Variants in TMEM63C observed in about 807,000 individuals in gnomAD.
TMEM63C encodes the protein transmembrane protein 63C.
TMEM63C carries 32 observed loss-of-function variants against 99.2 expected under a neutral mutation model. The observed-to-expected ratio is 0.32, with a 90% CI of 0.24 to 0.43. The LOEUF is 0.43. TMEM63C is among the 20% of genes least tolerant of loss of function. The pLI, the probability that TMEM63C is intolerant of heterozygous loss-of-function variation, is 1.00. For missense variants in TMEM63C, 826 were observed against 1,053.0 expected, an observed-to-expected ratio of 0.78 and a Z score of 2.98; for synonymous variants, 376 against 397.9, an observed-to-expected ratio of 0.94 and a Z score of 0.66.
intron 21 of TMEM63C, 75 bp from the exon 22 acceptor site, chr14:77,251,714 T>C: frequency 8.3e-7 from 1 of 1,208,616 alleles, no homozygotes; most frequent in Non-Finnish European, 1.2e-6. Context: ...GCTGTGACGG[T>C]CCCTGGCATC....
chr14:77,256,781 C>T lies in TMEM63C; in HGVS notation c.*55C>T. ...GTTGAGGGGTCAGGGGAGGGCCTGG[C>T]AAGGGGAGGCAGGAGGGTGGCCTGG... On this transcript the variant is annotated 3_prime_UTR_variant, in exon 24 of 24. Transcript: ENST00000298351. The T allele has an allele frequency of 6.4e-7, 1 of 1,559,212 alleles. No homozygotes were observed.
chr14:77,223,449 A>G (rs2140112904), intron 5 of TMEM63C, among the ~76,000 whole-genome samples: 1 of 152,264 alleles, frequency 6.6e-6, no homozygotes, highest in Admixed American at 6.5e-5. Context: ...TGGGTCAGGT[A>G]CTGTTACCCC....
At chr14:77,254,770 C>T (rs1433286939) in intron 23 of TMEM63C, among the ~76,000 whole-genome samples, 1 of 152,020 alleles carries the variant, frequency 6.6e-6, no homozygotes, top group Non-Finnish European at 1.5e-5. Flanking sequence ...TAAATCTTGC[C>T]TTATTACCAC....
rs188304538 is a variant in TMEM63C, at chr14:77,189,793, G to A, written c.-77+7899G>A. 2.6e-5 allele frequency among the ~76,000 whole-genome samples: 4 copies of A among 152,312 alleles called. No individual in the cohort carries two copies. In the East Asian group the frequency reaches 7.7e-4, roughly 29 times the overall value. The stretch of plus-strand genomic sequence containing the variant: ...CAGGGAACTGGCAGGTTTCACTGGG[G>A]TGGGGGAGTTGGGAAAAGCAGCCGT... On this transcript the variant is annotated intron_variant, in intron 1 of 23. Coordinates refer to ENST00000298351, the MANE Select transcript of TMEM63C (RefSeq NM_020431.4).
chr14:77,258,727 G>T lies in TMEM63C; in HGVS notation c.*2001G>T, dbSNP rs1455299632. Reference sequence around the variant, plus strand: ...CATGTGTATTTGGTGTATGGGGTGTGGGGGGTCACACCAGAAGCTGGCCTG... The same window carrying T: ...CATGTGTATTTGGTGTATGGGGTGTTGGGGGTCACACCAGAAGCTGGCCTG... On this transcript the variant is annotated 3_prime_UTR_variant, in exon 24 of 24. Transcript: ENST00000298351. The T allele has an allele frequency of 2.1e-5, 2 of 96,528 alleles. No individual in the cohort carries two copies. The highest frequency in any genetic ancestry group is 3.3e-5 in the African/African-American group (1 of 30,562). 6.0% of individuals were successfully genotyped at this position (96,528 alleles called of 1,614,324 possible).
chr14:77,186,069 T>C (rs1231253092), intron 1 of TMEM63C, among the ~76,000 whole-genome samples: 9 of 151,944 alleles, frequency 5.9e-5, no homozygotes, highest in Admixed American at 4.6e-4. Flanking sequence ...TGGAGTGCAG[T>C]GGCACTATCT....
At position 77,229,839 on chromosome 14, in the gene TMEM63C, A is replaced by T. The variant is rs753145388; in HGVS notation, c.351-1749A>T. Among the ~76,000 whole-genome samples, 104 of 152,158 alleles carry T rather than the reference A, an allele frequency of 6.8e-4. 1 individual carries two copies. Among genetic ancestry groups the T allele is most frequent in the Non-Finnish European group, 9.7e-4 (66 of 68,002 alleles). On this transcript the variant is annotated intron_variant, in intron 6 of 23. Coordinates refer to ENST00000298351, the MANE Select transcript of TMEM63C (RefSeq NM_020431.4). ...TTTCATATTTTCCAAAGTTTCTATGAGCACTTGTTGCTTTTAAATTGTTTA... is the reference window on the plus strand; with the variant it reads ...TTTCATATTTTCCAAAGTTTCTATGTGCACTTGTTGCTTTTAAATTGTTTA...
rs1359102753 is a variant in TMEM63C, at chr14:77,258,169, G to GA, written c.*1445dup. ...TCAATGAACCAGAACAAGCCAAGCT[G>GA]AATGGGGTCTGTGTGCTCCAGGGCC... On this transcript the variant is annotated 3_prime_UTR_variant, in exon 24 of 24. Coordinates refer to ENST00000298351, the MANE Select transcript of TMEM63C (RefSeq NM_020431.4). The GA allele has an allele frequency of 6.6e-6, 1 of 152,578 alleles. No homozygotes were observed. Among genetic ancestry groups the GA allele is most frequent in the African/African-American group, 2.4e-5 (1 of 41,476 alleles). 9.5% of individuals were successfully genotyped at this position (152,578 alleles called of 1,614,324 possible). A position where few individuals can be genotyped will look rare whatever the true frequency, so the allele number is the denominator to read the frequency against.
In TMEM63C at chr14:77,188,407, A is replaced by G. The variant is rs150700309; in HGVS notation, c.-77+6513A>G. ...ATAATAACATTCTGTGAAAATAGCAATACAAAGCTCCATGAGACATTCTGG... is the reference window on the plus strand; with the variant it reads ...ATAATAACATTCTGTGAAAATAGCAGTACAAAGCTCCATGAGACATTCTGG... On this transcript the variant is annotated intron_variant, in intron 1 of 23. Coordinates refer to ENST00000298351, the MANE Select transcript of TMEM63C (RefSeq NM_020431.4). 2.1e-3 allele frequency among the ~76,000 whole-genome samples: 316 copies of G among 152,324 alleles called. 3 individuals are homozygous for G. The highest frequency in any genetic ancestry group is 7.3e-3 in the African/African-American group (302 of 41,558).
intron 1 of TMEM63C, among the ~76,000 whole-genome samples, chr14:77,184,707 G>A (rs952764552): frequency 2.0e-5 from 3 of 152,174 alleles, no homozygotes; most frequent in African/African-American, 7.2e-5. Flanking sequence ...CCTCTCGTGG[G>A]AGAGCAGTGG....
At chr14:77,239,763 C>A (rs781600928) in intron 12 of TMEM63C, 37 bp downstream of exon 12, 1 of 1,605,474 alleles carries the variant, frequency 6.2e-7, no homozygotes, top group Non-Finnish European at 8.5e-7. Flanking sequence ...AGCAAGGGAG[C>A]GGTGGGGTCC....
chr14:77,203,539 C>T (rs1030265620), intron 1 of TMEM63C, among the ~76,000 whole-genome samples: 8 of 152,210 alleles, frequency 5.3e-5, no homozygotes, highest in African/African-American at 1.9e-4. Context: ...CTCCATGTGC[C>T]GTCTGCATCT....
chr14:77,252,039 C>A, intron 22 of TMEM63C, 141 bp downstream of exon 22: 1 of 747,922 alleles, frequency 1.3e-6, no homozygotes, highest in South Asian at 1.6e-5. Context: ...AGCGTGGAGC[C>A]CAGTGTGCAT....
chr14:77,235,177 G>A (rs1889015378), intron 8 of TMEM63C, among the ~76,000 whole-genome samples: 2 of 151,856 alleles, frequency 1.3e-5, no homozygotes, highest in Non-Finnish European at 2.9e-5. Context: ...GCTGGAGCAA[G>A]ACCCTTTCTC....
chr14:77,183,879 T>C (rs1887953044), intron 1 of TMEM63C, among the ~76,000 whole-genome samples: 1 of 152,060 alleles, frequency 6.6e-6, no homozygotes, highest in African/African-American at 2.4e-5. Flanking sequence ...GGGCCCACCA[T>C]ACTGGAGGGA....
chr14:77,206,480 C>T (rs1888404738), intron 1 of TMEM63C, among the ~76,000 whole-genome samples: 1 of 152,242 alleles, frequency 6.6e-6, no homozygotes, highest in Non-Finnish European at 1.5e-5. Context: ...GATGCACCAC[C>T]TTGGCTTCTT....
intron 1 of TMEM63C, among the ~76,000 whole-genome samples, chr14:77,194,641 A>G (rs572184578): frequency 1.5e-4 from 23 of 151,222 alleles, no homozygotes; most frequent in African/African-American, 5.6e-4. Flanking sequence ...TGGCACTATC[A>G]TGACTCACTG....
chr14:77,241,416 C>T (rs1889173666), intron 13 of TMEM63C, among the ~76,000 whole-genome samples: 1 of 152,140 alleles, frequency 6.6e-6, no homozygotes, highest in Admixed American at 6.5e-5. Context: ...GAATTCAGTC[C>T]ACTCTGGAAT....
intron 1 of TMEM63C, among the ~76,000 whole-genome samples, chr14:77,184,909 C>T (rs1887972191): frequency 6.6e-6 from 1 of 152,190 alleles, no homozygotes; most frequent in South Asian, 2.1e-4. Context: ...GAGGGTGGCT[C>T]TTAAGAAGAA....
Sources: allele counts gnomAD v4.1 joint callset (sites outside exome capture counted in the v4.1 genomes callset), GRCh38; gene constraint gnomAD v4.1.1; transcripts MANE v1.5; gene names NCBI Gene and HGNC (gene_info 2026-07-23, HGNC 2026-07-21).